CEP70: variants seen among roughly 807,000 people sequenced by gnomAD.
The protein encoded by CEP70 is centrosomal protein of 70 kDa.
Under a neutral mutation model 90.9 loss-of-function variants are expected in CEP70, and 70 were observed. The observed-to-expected ratio is 0.77, with a 90% CI of 0.64 to 0.94. CEP70 has a LOEUF of 0.94. Ranked by LOEUF, CEP70 falls within the 40% of genes least tolerant of loss-of-function variation. The pLI, the probability that CEP70 is intolerant of heterozygous loss-of-function variation, is 0.00. For synonymous variants in CEP70, 220 were observed against 228.3 expected (o/e 0.96, Z 0.33); for missense variants, 648 against 669.0 (o/e 0.97, Z 0.35).
Position 138,537,312 on chromosome 3 carries a change from C to T in CEP70, c.501G>A (p.Glu167=), listed in dbSNP as rs2038362545. The T allele has an allele frequency of 6.3e-7, 1 of 1,599,576 alleles. No homozygotes were observed. Among genetic ancestry groups the T allele is most frequent in the Non-Finnish European group, 8.5e-7 (1 of 1,175,284 alleles). Reference sequence around the variant, plus strand: ...GCAAAGAAGCAATAGTTTCTTCTTGCTCCGTTCGTTTTTTCTTATAATGCT... The same window carrying T: ...GCAAAGAAGCAATAGTTTCTTCTTGTTCCGTTCGTTTTTTCTTATAATGCT... ...KCQHYKKKRT[E]QEETIASLQM... Residue 167 remains glutamate, a synonymous_variant, in exon 7 of 18, where the codon GAG becomes GAA. Coordinates refer to ENST00000264982, the MANE Select transcript of CEP70 (RefSeq NM_024491.4).
Position 138,592,359 on chromosome 3 carries a change from T to C in CEP70, c.-108-403A>G, listed in dbSNP as rs34330698. On this transcript the variant is annotated intron_variant, in intron 1 of 17. Coordinates refer to ENST00000264982, the MANE Select transcript of CEP70 (RefSeq NM_024491.4). ...CTCATTTGCACCTGTGACCAAGCCC[T>C]CCTTTTCAGAGGACCATTCTGTGAA... Among the ~76,000 whole-genome samples, 1,033 of 152,250 alleles carry C rather than the reference T, an allele frequency of 6.8e-3. 9 individuals carry two copies. The highest frequency in any genetic ancestry group is 0.023 in the African/African-American group (972 of 41,538).
intron 1 of CEP70, 78 bp from the exon 2 acceptor site, chr3:138,592,034 A>G (rs115204672): frequency 6.0e-4 from 339 of 567,056 alleles, no homozygotes; most frequent in African/African-American, 5.5e-3. Flanking sequence ...TGTTACTCCC[A>G]GAGCAGGCAT....
intron 2 of CEP70, among the ~76,000 whole-genome samples, chr3:138,577,942 G>A (rs745992124): frequency 1.2e-4 from 19 of 152,316 alleles, no homozygotes; most frequent in Middle Eastern, 3.4e-3. Context: ...CTGGGAAGAC[G>A]GCATGGCCAC....
intron 10 of CEP70, among the ~76,000 whole-genome samples, chr3:138,527,650 G>A (rs1022365997): frequency 1.3e-5 from 2 of 148,928 alleles, no homozygotes; most frequent in Admixed American, 6.7e-5. Flanking sequence ...ACCCAACATC[G>A]TGCCACAGCA....
Position 138,500,148 on chromosome 3 carries a change from C to T in CEP70, c.1614G>A (p.Glu538=). 4 of 1,613,754 alleles carry T rather than the reference C, an allele frequency of 2.5e-6. No homozygotes were observed. The highest frequency in any genetic ancestry group is 2.5e-6 in the Non-Finnish European group (3 of 1,179,636). ...LCRLINEDVN[E]QVMQVLGPED... ...CAGGTCCTAATACCTGCATAACCTGCTCATTCACATCTTCATTAATCAGCC... is the reference window on the plus strand; with the variant it reads ...CAGGTCCTAATACCTGCATAACCTGTTCATTCACATCTTCATTAATCAGCC... The change falls in exon 16 of 18, where the codon GAG becomes GAA. Residue 538 remains glutamate (E), a synonymous_variant. Coordinates refer to ENST00000264982, the MANE Select transcript of CEP70 (RefSeq NM_024491.4).
At chr3:138,506,764 C>T (rs945592032) in intron 12 of CEP70, among the ~76,000 whole-genome samples, 9 of 152,108 alleles carry the variant, frequency 5.9e-5, no homozygotes, top group African/African-American at 2.2e-4. Flanking sequence ...ATTTATTTGA[C>T]AGAGTCTCAC....
intron 8 of CEP70, chr3:138,531,473 C>T (rs1272964653): frequency 6.6e-6 from 1 of 152,106 alleles, no homozygotes; most frequent in African/African-American, 2.4e-5. Context: ...CACACCTGTG[C>T]CAATTCATTT....
At chr3:138,537,582 G>A (rs564800) in intron 6 of CEP70, among the ~76,000 whole-genome samples, 75,312 of 151,864 alleles carry the variant, frequency 0.5, 19,159 homozygotes, top group African/African-American at 0.6. Flanking sequence ...TCATAATTGC[G>A]TGCATTCAAG....
intron 13 of CEP70, among the ~76,000 whole-genome samples, chr3:138,501,857 T>C (rs2034536909): frequency 1.3e-5 from 2 of 152,170 alleles, no homozygotes; most frequent in African/African-American, 2.4e-5. Flanking sequence ...TCAAAAGAAA[T>C]GCTCATTGGA....
At chr3:138,511,419 A>G (rs2035527322) in intron 11 of CEP70, among the ~76,000 whole-genome samples, 1 of 152,258 alleles carries the variant, frequency 6.6e-6, no homozygotes, top group African/African-American at 2.4e-5. Flanking sequence ...AGAAAAGCTG[A>G]TATGGCCTCT....
rs377254384 is a variant in CEP70, at chr3:138,547,274, A to G, written c.466-9927T>C. Among the ~76,000 whole-genome samples the G allele has an allele frequency of 1.8e-4, 27 of 152,310 alleles. No homozygotes were observed. The South Asian group carries it at 5.2e-3, about 29-fold the overall frequency. The stretch of plus-strand genomic sequence containing the variant: ...AGCAATACAGTAGTCCTCCTTATCC[A>G]TGGGGGATACATTCCAGGATCCTCA... On this transcript the variant is annotated intron_variant, in intron 6 of 17. Coordinates refer to ENST00000264982, the MANE Select transcript of CEP70 (RefSeq NM_024491.4).
chr3:138,573,069 G>A (rs1250236065), intron 2 of CEP70, 137 bp from the exon 3 acceptor site: 5 of 635,154 alleles, frequency 7.9e-6, no homozygotes, highest in Non-Finnish European at 1.4e-5. Context: ...GGCAATTCAG[G>A]TCATTCCTGC....
intron 17 of CEP70, chr3:138,496,440 T>C (rs1201896670): frequency 2.9e-5 from 29 of 985,136 alleles, no homozygotes; most frequent in Admixed American, 2.5e-4. Context: ...TTCCCTTACA[T>C]TGTGGTAAGG....
chr3:138,503,501 G>A (rs1292036238), intron 13 of CEP70, among the ~76,000 whole-genome samples: 2 of 152,156 alleles, frequency 1.3e-5, no homozygotes, highest in African/African-American at 2.4e-5. Flanking sequence ...CAAACTTAGA[G>A]GTTGCTACAT....
intron 6 of CEP70, among the ~76,000 whole-genome samples, chr3:138,553,321 T>C (rs765468753): frequency 5.9e-5 from 9 of 151,736 alleles, no homozygotes; most frequent in African/African-American, 9.7e-5. Context: ...CTACTAAAAA[T>C]ACAAAAAAAT....
intron 13 of CEP70, among the ~76,000 whole-genome samples, chr3:138,504,540 CA>C (rs1283332423): frequency 6.6e-6 from 1 of 152,164 alleles, no homozygotes; most frequent in East Asian, 1.9e-4. Context: ...ATGTTGCAAA[CA>C]CTGTTATTGA....
chr3:138,504,773 G>A (rs533145883), intron 13 of CEP70, among the ~76,000 whole-genome samples: 7 of 152,260 alleles, frequency 4.6e-5, no homozygotes, highest in East Asian at 3.9e-4. Flanking sequence ...GAAGGGTAGC[G>A]TTGGCTGCTA....
chr3:138,547,957 A>G (rs530628582), intron 6 of CEP70, among the ~76,000 whole-genome samples: 1 of 152,372 alleles, frequency 6.6e-6, no homozygotes, highest in Admixed American at 6.5e-5. Flanking sequence ...AATCACAAAA[A>G]GCAAAACCAT....
At chr3:138,511,506 T>G (rs550597823) in intron 11 of CEP70, among the ~76,000 whole-genome samples, 1 of 152,372 alleles carries the variant, frequency 6.6e-6, no homozygotes, top group East Asian at 1.9e-4. Flanking sequence ...GTTCAACTTA[T>G]CAATGAATTG....
Sources: gnomAD v4.1 joint callset for allele counts (sites outside exome capture counted in the v4.1 genomes callset) on GRCh38, gnomAD v4.1.1 for gene constraint, MANE v1.5 for transcripts, NCBI Gene and HGNC (gene_info 2026-07-23, HGNC 2026-07-21) for gene names.